RALGPS1: variants seen among roughly 807,000 people sequenced by gnomAD.
RALGPS1 encodes Ral GEF with PH domain and SH3 binding motif 1.
RALGPS1 carries 19 observed loss-of-function variants against 78.8 expected under a neutral mutation model. That is an observed-to-expected ratio of 0.24 (90% confidence interval 0.17 to 0.35). The LOEUF is 0.35. Among genes scored for constraint, RALGPS1 ranks in the 10% least tolerant of loss-of-function variants. The pLI, the probability that RALGPS1 is intolerant of heterozygous loss-of-function variation, is 1.00. For missense variants in RALGPS1, 454 were observed against 688.3 expected (o/e 0.66, Z 3.81); for synonymous variants, 228 against 256.3 (o/e 0.89, Z 1.06).
At position 127,176,414 on chromosome 9, in the gene RALGPS1, G is replaced by A. The variant is rs576158816; in HGVS notation, c.910+1632G>A. ...CACCTACAACTGACCTGTGGGGGAC[G>A]AGGAGGGAGCAGGGCAGGGTTCCTA... On this transcript the variant is annotated intron_variant, in intron 11 of 18. Transcript: ENST00000259351. Among the ~76,000 whole-genome samples, 34 of 152,276 alleles carry A rather than the reference G, an allele frequency of 2.2e-4. No homozygotes were observed. In the South Asian group the frequency reaches 4.8e-3, roughly 21 times the overall value.
At chr9:127,082,437 G>A (rs2051269814) in intron 8 of RALGPS1, among the ~76,000 whole-genome samples, 1 of 61,978 alleles carries the variant, frequency 1.6e-5, no homozygotes, top group African/African-American at 3.5e-5. Context: ...CTGGTATCAA[G>A]CTGCTGCTGC....
intron 1 of RALGPS1, among the ~76,000 whole-genome samples, chr9:126,935,325 G>T (rs1025366107): frequency 6.6e-5 from 10 of 152,216 alleles, no homozygotes; most frequent in African/African-American, 2.2e-4. Context: ...CATGGAATCT[G>T]TTATGGCTCC....
intron 4 of RALGPS1, among the ~76,000 whole-genome samples, chr9:126,982,911 TTC>T: frequency 1.1e-5 from 1 of 88,952 alleles, no homozygotes; most frequent in East Asian, 5.3e-4. Flanking sequence ...TTTCTTCTTC[TTC>T]TTCTTCTTCT....
In RALGPS1 at chr9:127,218,235, C is replaced by T. The variant is rs992439900; in HGVS notation, c.1645-505C>T. On this transcript the variant is annotated intron_variant, in intron 18 of 18. Coordinates refer to ENST00000259351, the MANE Select transcript of RALGPS1 (RefSeq NM_014636.3). The surrounding 1 kb of genome is among the most constrained non-coding windows in gnomAD (Gnocchi z 4.4). ...CTAGGATCTTGTCCTGAGGGCAGAGCTGTGGGAAGGTCTTGGGGTTTCTGA... is the reference window on the plus strand; with the variant it reads ...CTAGGATCTTGTCCTGAGGGCAGAGTTGTGGGAAGGTCTTGGGGTTTCTGA... Among the ~76,000 whole-genome samples, 1 of 152,158 alleles carries T rather than the reference C, an allele frequency of 6.6e-6. No homozygotes were observed. The highest frequency in any genetic ancestry group is 2.4e-5 in the African/African-American group (1 of 41,436).
intron 1 of RALGPS1, among the ~76,000 whole-genome samples, chr9:126,925,925 G>A (rs1429216490): frequency 6.6e-6 from 1 of 152,226 alleles, no homozygotes; most frequent in African/African-American, 2.4e-5. Context: ...GAGGACTCCA[G>A]ATGTACTGGG....
At chr9:126,956,857 G>GC (rs1007078217) in intron 1 of RALGPS1, among the ~76,000 whole-genome samples, 1 of 152,216 alleles carries the variant, frequency 6.6e-6, no homozygotes, top group Non-Finnish European at 1.5e-5. Flanking sequence ...TTGAGTACTT[G>GC]CCCTATGTCC....
intron 11 of RALGPS1, chr9:127,178,173 G>T (rs1340240186): frequency 3.7e-6 from 2 of 545,010 alleles, no homozygotes. Flanking sequence ...AAGCAGGAGC[G>T]AGCAGAGAAA....
chr9:127,145,175 G>T (rs1170071061), intron 8 of RALGPS1, among the ~76,000 whole-genome samples: 2 of 152,230 alleles, frequency 1.3e-5, no homozygotes, highest in African/African-American at 4.8e-5. Flanking sequence ...GGGAGGACCA[G>T]CTTGACTTTC....
Position 126,940,544 on chromosome 9 carries a change from AT to A in RALGPS1, c.-65-21679del, listed in dbSNP as rs1329578470. ...AAGCTCTGCCTCCCGGGTTCACGCCATTCTCCTGCCTCAGCCTCCTGAGTAG... is the reference window on the plus strand; with the variant it reads ...AAGCTCTGCCTCCCGGGTTCACGCCATCTCCTGCCTCAGCCTCCTGAGTAG... On this transcript the variant is annotated intron_variant, in intron 1 of 18. Transcript: ENST00000259351. Among the ~76,000 whole-genome samples, 30 of 148,976 alleles carry A rather than the reference AT, an allele frequency of 2.0e-4. 1 individual carries two copies. Among genetic ancestry groups the A allele is most frequent in the Middle Eastern group, 6.9e-3 (2 of 288 alleles).
Position 127,046,672 on chromosome 9 carries a change from C to CAAAAA in RALGPS1, c.301-3354_301-3350dup, listed in dbSNP as rs71377987. On this transcript the variant is annotated intron_variant, in intron 5 of 18. Coordinates refer to ENST00000259351, the MANE Select transcript of RALGPS1 (RefSeq NM_014636.3). ...GTGACATAGTGAGACCCCATCCATA[C>CAAAAA]AAAAAAAAAAAAAAAAAAAAAGCCA... Among the ~76,000 whole-genome samples, 22 of 40,344 alleles carry CAAAAA rather than the reference C, an allele frequency of 5.5e-4. 1 individual carries two copies. The highest frequency in any genetic ancestry group is 8.4e-4 in the Non-Finnish European group (16 of 18,976). 26.5% of individuals were successfully genotyped at this position (40,344 alleles called of 152,430 possible). A position where few individuals can be genotyped will look rare whatever the true frequency, so the allele number is the denominator to read the frequency against.
At chr9:127,058,461 C>T (rs150987509) in intron 7 of RALGPS1, among the ~76,000 whole-genome samples, 7 of 152,034 alleles carry the variant, frequency 4.6e-5, no homozygotes, top group African/African-American at 1.7e-4. Flanking sequence ...AATTCAGGAG[C>T]AAGGGGATGT....
At chr9:126,995,983 C>T (rs1217390277) in intron 4 of RALGPS1, among the ~76,000 whole-genome samples, 18 of 151,954 alleles carry the variant, frequency 1.2e-4, no homozygotes, top group Admixed American at 6.6e-5. Flanking sequence ...TTGAAACCAA[C>T]GAGAACAAAG....
Position 127,120,848 on chromosome 9 carries a change from C to T in RALGPS1, c.611-45221C>T, listed in dbSNP as rs371681287. Among the ~76,000 whole-genome samples the T allele has an allele frequency of 1.7e-4, 26 of 151,782 alleles. No individual in the cohort carries two copies. The South Asian group carries it at 2.3e-3, about 13-fold the overall frequency. Reference sequence around the variant, plus strand: ...ATCTCAAAAAAAAAAAAAAAGAATTCGTGTCTCTGCTCTTCCCTTCCCTCT... The same window carrying T: ...ATCTCAAAAAAAAAAAAAAAGAATTTGTGTCTCTGCTCTTCCCTTCCCTCT... On this transcript the variant is annotated intron_variant, in intron 8 of 18. Transcript: ENST00000259351.
intron 3 of RALGPS1, among the ~76,000 whole-genome samples, chr9:126,972,065 T>A (rs2040171629): frequency 6.6e-6 from 1 of 152,216 alleles, no homozygotes; most frequent in Non-Finnish European, 1.5e-5. Context: ...GAGAACTGGT[T>A]GATTCCAAGC....
chr9:127,191,940 G>A (rs1394338912), intron 11 of RALGPS1, among the ~76,000 whole-genome samples: 1 of 152,076 alleles, frequency 6.6e-6, no homozygotes, highest in Non-Finnish European at 1.5e-5. Flanking sequence ...CTTGTGATCT[G>A]CCCGCCTCGG....
chr9:127,048,047 A>G (rs970520016), intron 5 of RALGPS1, among the ~76,000 whole-genome samples: 5 of 152,014 alleles, frequency 3.3e-5, no homozygotes, highest in Admixed American at 2.6e-4. Context: ...GGGTGTCTCT[A>G]TCCTTGCAAA....
intron 4 of RALGPS1, among the ~76,000 whole-genome samples, chr9:127,017,419 A>G (rs906420482): frequency 2.6e-5 from 4 of 152,226 alleles, no homozygotes; most frequent in African/African-American, 4.8e-5. Context: ...TGGTATACCT[A>G]TATAGGACAC....
chr9:126,984,424 A>G (rs1454824784), intron 4 of RALGPS1, among the ~76,000 whole-genome samples: 1 of 152,218 alleles, frequency 6.6e-6, no homozygotes, highest in Non-Finnish European at 1.5e-5. Context: ...AATTCTTAAG[A>G]AGAATTTTTC....
At chr9:127,004,571 A>G (rs1276492491) in intron 4 of RALGPS1, among the ~76,000 whole-genome samples, 2 of 152,204 alleles carry the variant, frequency 1.3e-5, no homozygotes, top group African/African-American at 2.4e-5. Flanking sequence ...TCACATCACT[A>G]TGTTATGTCT....
Sources: allele counts gnomAD v4.1 joint callset (sites outside exome capture counted in the v4.1 genomes callset), GRCh38; gene constraint gnomAD v4.1.1; non-coding constraint Gnocchi (gnomAD v3.1); transcripts MANE v1.5; gene names NCBI Gene and HGNC (gene_info 2026-07-23, HGNC 2026-07-21).